Variants in PEAK1 observed in about 807,000 individuals in gnomAD.
PEAK1 encodes pseudopodium enriched atypical kinase 1, also known as inactive tyrosine-protein kinase PEAK1.
PEAK1 carries 54 observed loss-of-function variants against 124.7 expected under a neutral mutation model. The ratio of observed to expected loss-of-function variants is 0.43; its 90% CI spans 0.35 to 0.54. The LOEUF is 0.54. PEAK1 is among the 20% of genes least tolerant of loss of function. PEAK1 has a pLI of 0.01. For synonymous variants in PEAK1, 719 were observed against 760.0 expected, an observed-to-expected ratio of 0.95 and a Z score of 0.89; for missense variants, 2,046 against 2,134.5, an observed-to-expected ratio of 0.96 and a Z score of 0.82.
chr15:77,351,069 G>T, intron 2 of PEAK1: 2 of 397,186 alleles, frequency 5.0e-6, no homozygotes, highest in Non-Finnish European at 6.8e-6. Flanking sequence ...AGAAGGCTTT[G>T]CTTACAGACA....
chr15:77,238,970 T>C (rs2060242788), intron 6 of PEAK1, among the ~76,000 whole-genome samples: 1 of 152,180 alleles, frequency 6.6e-6, no homozygotes, highest in Non-Finnish European at 1.5e-5. Flanking sequence ...TCTAATGCCA[T>C]TTATCAAGGG....
At chr15:77,154,449 T>C (rs2054939393) in intron 8 of PEAK1, among the ~76,000 whole-genome samples, 1 of 152,180 alleles carries the variant, frequency 6.6e-6, no homozygotes, top group Non-Finnish European at 1.5e-5. Flanking sequence ...AATTTGCCAG[T>C]CTGTGTCTTT....
intron 5 of PEAK1, among the ~76,000 whole-genome samples, chr15:77,267,681 G>C (rs1024200087): frequency 1.6e-4 from 24 of 152,126 alleles, no homozygotes; most frequent in African/African-American, 5.6e-4. Flanking sequence ...CACATGAAGG[G>C]AGCAACCCGT....
At chr15:77,178,680 T>C (rs774671022) in intron 7 of PEAK1, 110 bp downstream of exon 7, 9 of 1,024,012 alleles carry the variant, frequency 8.8e-6, no homozygotes, top group Admixed American at 2.5e-5. Context: ...GGCCACAGAG[T>C]GCTACTTACA....
intron 8 of PEAK1, among the ~76,000 whole-genome samples, chr15:77,149,645 T>C (rs749823001): frequency 3.3e-5 from 5 of 152,310 alleles, no homozygotes; most frequent in South Asian, 2.1e-4. Flanking sequence ...TCAACTTTAT[T>C]ACCTTTCCAA....
chr15:77,256,776 G>A (rs936047429), intron 5 of PEAK1, among the ~76,000 whole-genome samples: 2 of 151,812 alleles, frequency 1.3e-5, no homozygotes, highest in Non-Finnish European at 2.9e-5. Context: ...TGCACAATGT[G>A]CAGGTTACTT....
chr15:77,144,007 A>G (rs2053990919), intron 8 of PEAK1, among the ~76,000 whole-genome samples: 1 of 152,254 alleles, frequency 6.6e-6, no homozygotes, highest in South Asian at 2.1e-4. Flanking sequence ...TAGAAGAAAC[A>G]AAAATAATCA....
intron 1 of PEAK1, 75 bp downstream of exon 1, chr15:77,419,931 C>A (rs1252777324): frequency 1.3e-5 from 2 of 149,572 alleles, no homozygotes; most frequent in African/African-American, 4.9e-5. Flanking sequence ...CCTCAACCCG[C>A]GGCAACCCTG....
chr15:77,234,810 A>T (rs553578205), intron 6 of PEAK1, among the ~76,000 whole-genome samples: 1 of 152,034 alleles, frequency 6.6e-6, no homozygotes, highest in African/African-American at 2.4e-5. Context: ...TAATTAAAAA[A>T]AAATATATAT....
chr15:77,115,404 G>C, intron 9 of PEAK1, 85 bp from the exon 10 acceptor site: 1 of 1,255,952 alleles, frequency 8.0e-7, no homozygotes, highest in Non-Finnish European at 1.1e-6. Flanking sequence ...GAAGGTGACT[G>C]GTTAGGGACA....
chr15:77,282,136 A>G (rs2152968682), intron 5 of PEAK1, among the ~76,000 whole-genome samples: 1 of 152,330 alleles, frequency 6.6e-6, no homozygotes, highest in Middle Eastern at 3.4e-3. Flanking sequence ...CTGTGTGTTT[A>G]GATCACACAC....
At chr15:77,166,580 T>C (rs1316029853) in intron 7 of PEAK1, among the ~76,000 whole-genome samples, 1 of 152,194 alleles carries the variant, frequency 6.6e-6, no homozygotes, top group Non-Finnish European at 1.5e-5. Context: ...GGGAATCCCA[T>C]CCCCCTTTAA....
At chr15:77,231,826 A>C (rs964503563) in intron 6 of PEAK1, among the ~76,000 whole-genome samples, 1 of 152,214 alleles carries the variant, frequency 6.6e-6, no homozygotes, top group Non-Finnish European at 1.5e-5. Context: ...CATTTCCTCC[A>C]AGCAGTAGTC....
intron 2 of PEAK1, among the ~76,000 whole-genome samples, chr15:77,300,081 C>T (rs562939242): frequency 6.6e-6 from 1 of 152,262 alleles, no homozygotes; most frequent in South Asian, 2.1e-4. Flanking sequence ...TTATGCTTTC[C>T]CTGTCCCAGC....
chr15:77,228,076 T>C (rs1030277616), intron 6 of PEAK1, among the ~76,000 whole-genome samples: 1 of 152,018 alleles, frequency 6.6e-6, no homozygotes. Context: ...ACTTACAACA[T>C]ATAAGGTATT....
At chr15:77,320,933 C>G (rs1027059203) in intron 2 of PEAK1, among the ~76,000 whole-genome samples, 3 of 151,996 alleles carry the variant, frequency 2.0e-5, no homozygotes, top group African/African-American at 7.2e-5. Context: ...CCTTGCGACA[C>G]TTTGCTGAGA....
intron 6 of PEAK1, among the ~76,000 whole-genome samples, chr15:77,223,377 C>A (rs1416152986): frequency 6.6e-6 from 1 of 151,972 alleles, no homozygotes; most frequent in Non-Finnish European, 1.5e-5. Flanking sequence ...TAGAGTTTTA[C>A]CTTAGAGTAA....
At chr15:77,263,901 T>C (rs2061574664) in intron 5 of PEAK1, among the ~76,000 whole-genome samples, 1 of 152,146 alleles carries the variant, frequency 6.6e-6, no homozygotes, top group African/African-American at 2.4e-5. Context: ...TCCAAAAGCT[T>C]ATCTACCATG....
intron 1 of PEAK1, among the ~76,000 whole-genome samples, chr15:77,380,620 AG>A: frequency 6.6e-6 from 1 of 152,142 alleles, no homozygotes; most frequent in Non-Finnish European, 1.5e-5. Flanking sequence ...CTGGGACCAC[AG>A]GCATGCAACA....
Sources: gnomAD v4.1 joint callset for allele counts (sites outside exome capture counted in the v4.1 genomes callset) on GRCh38, gnomAD v4.1.1 for gene constraint, MANE v1.5 for transcripts, NCBI Gene and HGNC (gene_info 2026-07-23, HGNC 2026-07-21) for gene names.